Variants in COX6A1 observed in about 807,000 individuals in gnomAD.
The protein encoded by COX6A1 is cytochrome c oxidase subunit 6A1, mitochondrial.
A neutral mutation model predicts 11.3 loss-of-function variants in COX6A1; 10 were observed. That is an observed-to-expected ratio of 0.88 (90% CI 0.54 to 1.50). COX6A1 has a LOEUF of 1.50. Ranked by LOEUF, COX6A1 falls within the 40% of genes most tolerant of loss-of-function variation. The probability of loss-of-function intolerance (pLI) is 0.00; values close to 1 mark genes in which losing one functional copy is unlikely to be tolerated. For synonymous variants in COX6A1, 81 were observed against 60.6 expected (o/e 1.34, Z -1.57); for missense variants, 149 against 147.6 (o/e 1.01, Z -0.05).
chr12:120,440,331 G>C, intron 2 of COX6A1, 123 bp from the exon 3 acceptor site: 1 of 680,334 alleles, frequency 1.5e-6, no homozygotes, highest in Non-Finnish European at 2.6e-6. Context: ...TACACCAGTA[G>C]ATAAAGGACT....
chr12:120,439,347 C>G (rs191491985), intron 2 of COX6A1, among the ~76,000 whole-genome samples: 92 of 151,966 alleles, frequency 6.1e-4, no homozygotes, highest in African/African-American at 2.0e-3. Context: ...GTCAACATGG[C>G]GAAACACTAT....
chr12:120,440,462 C>A lies in COX6A1; in HGVS notation c.255C>A (p.Pro85=), dbSNP rs138997341. Residue 85 remains proline (P), a synonymous_variant, in exon 3 of 3, where the codon CCC becomes CCA. Transcript: ENST00000229379. ...PHLRIRTKPF[P]WGDGNHTLFH... ...ACATCTTCACTCCACAGCCGTTTCC[C>A]TGGGGAGATGGTAACCATACTCTAT... 8.9e-5 allele frequency: 144 copies of A among 1,612,464 alleles called. No individual in the cohort carries two copies. In the Middle Eastern group the frequency reaches 1.5e-3, roughly 17 times the overall value.
chr12:120,440,629 T>G lies in COX6A1; in HGVS notation c.*92T>G. The G allele has an allele frequency of 1.2e-6, 1 of 849,926 alleles. No individual in the cohort carries two copies. The highest frequency in any genetic ancestry group is 1.7e-5 in the African/African-American group (1 of 59,338). 52.6% of individuals were successfully genotyped at this position (849,926 alleles called of 1,614,324 possible). On this transcript the variant is annotated 3_prime_UTR_variant, in exon 3 of 3. Transcript: ENST00000229379. ...TGGACCAGAAAAAGTATATGGGACC[T>G]TAAGCTCACCTTCTTTACTTGTATC... is the stretch of plus-strand genomic sequence containing the variant.
rs746992069 is a variant in COX6A1, at chr12:120,438,491, C to T, written c.216C>T (p.Ile72=). The T allele has an allele frequency of 1.2e-5, 20 of 1,614,096 alleles. No individual in the cohort carries two copies. The East Asian group carries it at 4.2e-4, about 34-fold the overall frequency. ...HHGEHERPEF[I]AYPHLRIRTK... is the part of the protein sequence containing the mutation. ...GAGAGCACGAGAGACCCGAGTTCAT[C>T]GCCTACCCCCATCTCCGCATCAGGA... Residue 72 remains isoleucine (I), a synonymous_variant, in exon 2 of 3, where the codon ATC becomes ATT. Transcript: ENST00000229379.
intron 2 of COX6A1, chr12:120,440,179 G>A: frequency 3.0e-6 from 1 of 334,338 alleles, no homozygotes; most frequent in East Asian, 6.3e-5. Context: ...TTACTAGGGA[G>A]AGGATGATGA....
chr12:120,438,788 CTTTTT>C (rs376239130), intron 2 of COX6A1: 466 of 119,802 alleles, frequency 3.9e-3, no homozygotes, highest in Middle Eastern at 0.012. Flanking sequence ...TGAGACAGTT[CTTTTT>C]TTTTTTTTTT....
rs1877695762 is a variant in COX6A1 at position 120,440,471 on chromosome 12, T to C, written c.264T>C (p.Asp88=). The C allele has an allele frequency of 1.2e-6, 2 of 1,612,998 alleles. No homozygotes were observed. Among genetic ancestry groups the C allele is most frequent in the South Asian group, 1.1e-5 (1 of 91,050 alleles). Residue 88 remains aspartate, a synonymous_variant, in exon 3 of 3, where the codon GAT becomes GAC. Coordinates refer to ENST00000229379, the MANE Select transcript of COX6A1 (RefSeq NM_004373.4). ...RIRTKPFPWG[D]GNHTLFHNPH... Reference sequence around the variant, plus strand: ...CTCCACAGCCGTTTCCCTGGGGAGATGGTAACCATACTCTATTCCATAACC... The same window carrying C: ...CTCCACAGCCGTTTCCCTGGGGAGACGGTAACCATACTCTATTCCATAACC...
At chr12:120,438,924 G>C (rs578235833) in intron 2 of COX6A1, 1 of 186,968 alleles carries the variant, frequency 5.3e-6, no homozygotes, top group South Asian at 8.5e-5. Flanking sequence ...GAACCCAGCA[G>C]CTACATGGGA....
intron 2 of COX6A1, 56 bp from the exon 3 acceptor site, chr12:120,440,398 G>A (rs1486399148): frequency 9.6e-6 from 13 of 1,353,380 alleles, no homozygotes; most frequent in African/African-American, 2.9e-5. Context: ...AGTTCATGAC[G>A]GTGTTCTTTC....
rs905599042 is a variant in COX6A1, at chr12:120,438,210, C to G, written c.84C>G (p.Ala28=). Residue 28 remains alanine (A), a synonymous_variant, in exon 1 of 3, where the codon GCC becomes GCG. Coordinates refer to ENST00000229379, the MANE Select transcript of COX6A1 (RefSeq NM_004373.4). The part of the protein sequence containing the change: ...PQLGRPMSSG[A]HGEEGSARMW... ...TGGGGCGGCCTATGTCGAGTGGCGC[C>G]CATGGCGAAGAGGGCTCAGGTACTG... 6.2e-7 allele frequency: 1 copy of G among 1,613,866 alleles called. No homozygotes were observed. The highest frequency in any genetic ancestry group is 1.1e-5 in the South Asian group (1 of 91,054).
chr12:120,438,190 C>T lies in COX6A1; in HGVS notation c.64C>T (p.Arg22Trp), dbSNP rs759518079. The T allele has an allele frequency of 2.2e-5, 35 of 1,613,920 alleles. 1 individual carries two copies. In the South Asian group the frequency reaches 2.6e-4, roughly 12 times the overall value. ...LLGRSRPQLG[R>W]PMSSGAHGEE... ...GGGTCGGTCCCGCCCACAGCTGGGG[C>T]GGCCTATGTCGAGTGGCGCCCATGG... The change falls in exon 1 of 3, where the codon CGG becomes TGG. Residue 22 changes from arginine (R) to tryptophan (W), a missense_variant. Coordinates refer to ENST00000229379, the MANE Select transcript of COX6A1 (RefSeq NM_004373.4).
At chr12:120,439,643 C>T (rs986605672) in intron 2 of COX6A1, among the ~76,000 whole-genome samples, 1 of 152,028 alleles carries the variant, frequency 6.6e-6, no homozygotes, top group Non-Finnish European at 1.5e-5. Context: ...ATAGGACTGG[C>T]CTTGTAGAAA....
At chr12:120,438,767 C>T (rs1877641656) in intron 2 of COX6A1, 2 of 488,412 alleles carry the variant, frequency 4.1e-6, no homozygotes, top group African/African-American at 2.1e-5. Context: ...TTCATCCTAC[C>T]TCCTGCCTTC....
intron 2 of COX6A1, 159 bp downstream of exon 2, chr12:120,438,680 C>A (rs1852610427): frequency 1.1e-6 from 1 of 950,186 alleles, no homozygotes; most frequent in African/African-American, 1.6e-5. Context: ...GGATGGACAG[C>A]TGACACTTGG....
intron 2 of COX6A1, chr12:120,438,788 C>CTTTTTTTTTTTTTTTTT (rs376239130): frequency 2.6e-5 from 3 of 115,442 alleles, no homozygotes; most frequent in African/African-American, 1.6e-4. Flanking sequence ...TGAGACAGTT[C>CTTTTTTTTTTTTTTTTT]TTTTTTTTTT....
At chr12:120,440,190 G>A in intron 2 of COX6A1, 3 of 358,524 alleles carry the variant, frequency 8.4e-6, no homozygotes, top group South Asian at 6.4e-5. Context: ...AGGATGATGA[G>A]TAACTAACTT....
At chr12:120,439,846 T>C (rs1224515352) in intron 2 of COX6A1, 2 of 152,722 alleles carry the variant, frequency 1.3e-5, no homozygotes, top group African/African-American at 2.4e-5. Context: ...ACCCACTAGG[T>C]GGCAGTAGTA....
chr12:120,439,466 A>AG (rs1877669111), intron 2 of COX6A1, among the ~76,000 whole-genome samples: 2 of 152,218 alleles, frequency 1.3e-5, no homozygotes, highest in South Asian at 4.1e-4. Flanking sequence ...CAGGAGGAGG[A>AG]GGTTGCAGTG....
rs376239130 is a variant in COX6A1 at position 120,438,788 on chromosome 12, C to CTTTTTTTTTTT, written c.246+283_246+293dup. On this transcript the variant is annotated intron_variant, in intron 2 of 2. Coordinates refer to ENST00000229379, the MANE Select transcript of COX6A1 (RefSeq NM_004373.4). Reference sequence around the variant, plus strand: ...CTACCTCCTGCCTTCTGAGACAGTTCTTTTTTTTTTTTTTTTTTTTTTTTT... The same window carrying CTTTTTTTTTTT: ...CTACCTCCTGCCTTCTGAGACAGTTCTTTTTTTTTTTTTTTTTTTTTTTTTTTTTTTTTTTT... 6.2e-4 allele frequency: 74 copies of CTTTTTTTTTTT among 120,082 alleles called. 7 individuals carry two copies. In the East Asian group the frequency reaches 9.2e-3, roughly 15 times the overall value. The allele number at this position is 120,082 out of a possible 1,614,324, so 7.4% of individuals were successfully genotyped here. A position where few individuals can be genotyped will look rare whatever the true frequency, so the allele number is the denominator to read the frequency against.
Sources: allele counts gnomAD v4.1 joint callset (sites outside exome capture counted in the v4.1 genomes callset), GRCh38; gene constraint gnomAD v4.1.1; transcripts MANE v1.5; gene names NCBI Gene and HGNC (gene_info 2026-07-23, HGNC 2026-07-21).